CD163L1: variants seen among roughly 807,000 people sequenced by gnomAD.
The protein encoded by CD163L1 is scavenger receptor cysteine-rich type 1 protein M160.
CD163L1 carries 124 observed loss-of-function variants against 165.4 expected under a neutral mutation model. That is an observed-to-expected ratio of 0.75 (90% CI 0.65 to 0.87). CD163L1 has a LOEUF of 0.87. Among genes scored for constraint, CD163L1 ranks in the 40% least tolerant of loss-of-function variants. The pLI is 0.00. For synonymous variants in CD163L1, 585 were observed against 662.2 expected (o/e 0.88, Z 1.79); for missense variants, 1,525 against 1,799.9 (o/e 0.85, Z 2.76).
At position 7,368,270 on chromosome 12, in the gene CD163L1, A is replaced by C; in HGVS notation, c.4073-73T>G. ...TTGTGGGTTTATACATTGTAAAAAAAACTGGTTCCCTAGTTGCTGAGAAGA... is the reference window on the plus strand; with the variant it reads ...TTGTGGGTTTATACATTGTAAAAAACACTGGTTCCCTAGTTGCTGAGAAGA... On this transcript the variant is annotated intron_variant, in intron 16 of 19. Transcript: ENST00000313599. This position sits in a 1 kb window ranked among gnomAD's most constrained non-coding sequence, Gnocchi z 4.3. The C allele has an allele frequency of 1.2e-6, 1 of 808,418 alleles. No individual in the cohort carries two copies. The highest frequency in any genetic ancestry group is 2.0e-6 in the Non-Finnish European group (1 of 496,304). The allele number at this position is 808,418 out of a possible 1,614,324, so 50.1% of individuals were successfully genotyped here. A position where few individuals can be genotyped will look rare whatever the true frequency, so the allele number is the denominator to read the frequency against.
the CD163L1 span, among the ~76,000 whole-genome samples, chr12:7,340,825 A>G: frequency 6.6e-6 from 1 of 152,236 alleles, no homozygotes; most frequent in Non-Finnish European, 1.5e-5. Context: ...GAATCGGCTC[A>G]TATCTCTCTT....
chr12:7,365,211 C>T (rs1190094455), intron 18 of CD163L1, among the ~76,000 whole-genome samples: 1 of 151,962 alleles, frequency 6.6e-6, no homozygotes, highest in African/African-American at 2.4e-5. Context: ...AACTGGATAA[C>T]CACATGCACA....
the CD163L1 span, chr12:7,323,201 T>C: frequency 6.4e-7 from 1 of 1,552,962 alleles, no homozygotes; most frequent in Non-Finnish European, 8.7e-7. Flanking sequence ...TATAAACTTT[T>C]GTATACTTAT....
intron 4 of CD163L1, among the ~76,000 whole-genome samples, chr12:7,431,249 C>T (rs914685081): frequency 1.3e-5 from 2 of 151,970 alleles, no homozygotes; most frequent in Non-Finnish European, 2.9e-5. Context: ...GGTGAAACAC[C>T]ACCTCTATTA....
chr12:7,353,131 A>T (rs536590433), downstream of CD163L1, among the ~76,000 whole-genome samples: 21 of 152,068 alleles, frequency 1.4e-4, no homozygotes, highest in Non-Finnish European at 2.2e-4. Context: ...AATCTGTAAA[A>T]AGAAATCAAT....
chr12:7,320,857 A>T, the CD163L1 span: 1 of 1,434,660 alleles, frequency 7.0e-7, no homozygotes, highest in Non-Finnish European at 9.8e-7. Context: ...ACCATCCAGG[A>T]TCACAGATCT....
intron 8 of CD163L1, among the ~76,000 whole-genome samples, chr12:7,391,331 C>A (rs1947649737): frequency 6.6e-6 from 1 of 152,064 alleles, no homozygotes; most frequent in Non-Finnish European, 1.5e-5. Flanking sequence ...GATCGCACCT[C>A]CCCACCAGCA....
the CD163L1 span, among the ~76,000 whole-genome samples, chr12:7,333,315 T>C: frequency 6.6e-6 from 1 of 152,180 alleles, no homozygotes; most frequent in East Asian, 1.9e-4. Context: ...GCAATCAAAC[T>C]AGAACTCAGG....
At chr12:7,321,741 TC>T in the CD163L1 span, among the ~76,000 whole-genome samples, 1 of 152,150 alleles carries the variant, frequency 6.6e-6, no homozygotes, top group Admixed American at 6.5e-5. Flanking sequence ...AAAGCTAAGC[TC>T]CAAAGTCAAA....
At chr12:7,355,940 C>T (rs1216902480) in intron 19 of CD163L1, among the ~76,000 whole-genome samples, 1 of 152,154 alleles carries the variant, frequency 6.6e-6, no homozygotes, top group Non-Finnish European at 1.5e-5. Context: ...GCTGCCCAGT[C>T]TGTGGTATTT....
At chr12:7,332,904 T>C in the CD163L1 span, among the ~76,000 whole-genome samples, 1 of 152,122 alleles carries the variant, frequency 6.6e-6, no homozygotes, top group Non-Finnish European at 1.5e-5. Flanking sequence ...GCTAACATCA[T>C]AATGACAGGA....
the CD163L1 span, chr12:7,323,542 T>C: frequency 6.2e-7 from 1 of 1,613,352 alleles, no homozygotes; most frequent in Non-Finnish European, 8.5e-7. Context: ...GGCCCTTCTG[T>C]TTCTTCTCTA....
intron 4 of CD163L1, among the ~76,000 whole-genome samples, chr12:7,429,305 T>G (rs962275849): frequency 1.3e-5 from 2 of 152,084 alleles, no homozygotes; most frequent in African/African-American, 4.8e-5. Context: ...TTTAAGAATT[T>G]CCTTGGATTT....
At chr12:7,434,748 G>C (rs1948692856) in intron 2 of CD163L1, among the ~76,000 whole-genome samples, 1 of 152,028 alleles carries the variant, frequency 6.6e-6, no homozygotes, top group African/African-American at 2.4e-5. Flanking sequence ...AACAGGGAGA[G>C]AGAGTACAAT....
chr12:7,324,611 C>T, the CD163L1 span: 1 of 1,612,194 alleles, frequency 6.2e-7, no homozygotes, highest in Non-Finnish European at 8.5e-7. Flanking sequence ...AGATGAATGT[C>T]ATTTATTAAA....
chr12:7,352,953 A>C (rs1056873998), downstream of CD163L1, among the ~76,000 whole-genome samples: 4 of 152,136 alleles, frequency 2.6e-5, no homozygotes, highest in Admixed American at 1.3e-4. Context: ...ACCAAAAAAA[A>C]CCAAAAGCAA....
chr12:7,408,611 A>G (rs1037838837), intron 4 of CD163L1, among the ~76,000 whole-genome samples: 2 of 152,288 alleles, frequency 1.3e-5, no homozygotes, highest in East Asian at 3.9e-4. Flanking sequence ...TGGCAAGAAC[A>G]CTCCAAATTT....
In CD163L1 at chr12:7,374,400, G is replaced by A. The variant is rs1156857259; in HGVS notation, c.3409+42C>T. On this transcript the variant is annotated intron_variant, in intron 13 of 19. Coordinates refer to ENST00000313599, the MANE Select transcript of CD163L1 (RefSeq NM_174941.6). This position sits in a 1 kb window ranked among gnomAD's most constrained non-coding sequence, Gnocchi z 5.4. ...TTGTGTTGTGTGTGTGCAAGTGTGT[G>A]CACGTGTGTGTAGAGGAGGGTGAAA... 6.4e-7 allele frequency: 1 copy of A among 1,555,500 alleles called. No individual in the cohort carries two copies. Among genetic ancestry groups the A allele is most frequent in the Non-Finnish European group, 8.7e-7 (1 of 1,145,912 alleles).
chr12:7,375,185 C>A, intron 11 of CD163L1, 96 bp downstream of exon 11: 4 of 1,252,678 alleles, frequency 3.2e-6, no homozygotes, highest in South Asian at 1.4e-5. Context: ...TCCACCTGCA[C>A]CCCCATTTTC....
Sources: gnomAD v4.1 joint callset for allele counts (sites outside exome capture counted in the v4.1 genomes callset) on GRCh38, gnomAD v4.1.1 for gene constraint, Gnocchi (gnomAD v3.1) non-coding constraint, MANE v1.5 for transcripts, NCBI Gene and HGNC (gene_info 2026-07-23, HGNC 2026-07-21) for gene names.